DYSF: variants seen among roughly 807,000 people sequenced by gnomAD.
The protein encoded by DYSF is dystrophy-associated fer-1-like 1.
A neutral mutation model predicts 274.9 loss-of-function variants in DYSF; 212 were observed. The observed-to-expected ratio is 0.77, with a 90% CI of 0.69 to 0.86. The LOEUF (loss-of-function observed/expected upper bound fraction) is 0.86, where lower values mean the gene tolerates loss of function less well. Among genes scored for constraint, DYSF ranks in the 40% least tolerant of loss-of-function variants. The pLI, the probability that DYSF is intolerant of heterozygous loss-of-function variation, is 0.00. For missense variants in DYSF, 2,666 were observed against 2,783.2 expected (o/e 0.96, Z 0.95); for synonymous variants, 1,091 against 1,078.7 (o/e 1.01, Z -0.22).
intron 2 of DYSF, 81 bp from the exon 3 acceptor site, chr2:71,481,798 T>C: frequency 1.8e-6 from 2 of 1,136,716 alleles, no homozygotes; most frequent in Non-Finnish European, 2.6e-6. Context: ...CTCAGTGCCC[T>C]GGTGGCACGA....
chr2:71,528,191 C>CAG, intron 13 of DYSF, 107 bp from the exon 14 acceptor site: 1 of 1,011,986 alleles, frequency 9.9e-7, no homozygotes, highest in African/African-American at 1.6e-5. Flanking sequence ...GGGGCCAAAG[C>CAG]TTCTTGCTCA....
intron 41 of DYSF, among the ~76,000 whole-genome samples, chr2:71,621,262 A>G (rs986987360): frequency 1.6e-4 from 24 of 152,236 alleles, no homozygotes; most frequent in African/African-American, 5.5e-4. Context: ...GGCGTAAGAG[A>G]CAGAACTTGC....
intron 45 of DYSF, among the ~76,000 whole-genome samples, chr2:71,662,773 GTGTGTGTA>G (rs1438205591): frequency 4.0e-5 from 6 of 150,832 alleles, no homozygotes; most frequent in Non-Finnish European, 5.9e-5. Flanking sequence ...ATTTGTATGT[GTGTGTGTA>G]TGTGTGTTTG....
chr2:71,680,311 T>C (rs2152969068), intron 53 of DYSF, among the ~76,000 whole-genome samples: 1 of 152,322 alleles, frequency 6.6e-6, no homozygotes, highest in East Asian at 1.9e-4. Context: ...GAAATGCTCA[T>C]TGCTGCTGAG....
intron 17 of DYSF, chr2:71,549,386 C>T: frequency 1.2e-6 from 2 of 1,612,250 alleles, no homozygotes; most frequent in South Asian, 2.2e-5. Context: ...TCGAAAGCCT[C>T]AGACTGTACG....
At chr2:71,683,283 A>G (rs1573208480) in intron 55 of DYSF, among the ~76,000 whole-genome samples, 1 of 152,066 alleles carries the variant, frequency 6.6e-6, no homozygotes, top group Non-Finnish European at 1.5e-5. Flanking sequence ...TCACTTGGTA[A>G]GAAGCCAATT....
At chr2:71,486,173 G>A (rs1482168012) in intron 3 of DYSF, among the ~76,000 whole-genome samples, 1 of 151,968 alleles carries the variant, frequency 6.6e-6, no homozygotes, top group Non-Finnish European at 1.5e-5. Context: ...GGAATCCTGG[G>A]CGTGTCTTCT....
At chr2:71,466,964 T>C in intron 1 of DYSF, 31 bp downstream of exon 1, 1 of 1,546,426 alleles carries the variant, frequency 6.5e-7, no homozygotes, top group East Asian at 2.5e-5. Context: ...GCGCCCATGC[T>C]CGGGTGCTAC....
In DYSF at chr2:71,600,799, CG is replaced by C. The variant is rs779407815; in HGVS notation, c.3859del (p.Glu1287SerfsTer76). ...WFPLTRGSQP[S>X]GELLASFELI... ...CCACTGACGAGGGGCAGCCAGCCGT[CG>C]GGGGAGCTGCTGGCCTCTTTTGAGC... On this transcript the variant is annotated frameshift_variant, in exon 34 of 56. Transcript: ENST00000410020. LOFTEE classifies it high-confidence loss of function. 2 of 1,613,418 alleles carry C rather than the reference CG, an allele frequency of 1.2e-6. No individual in the cohort carries two copies. Among genetic ancestry groups the C allele is most frequent in the South Asian group, 1.1e-5 (1 of 91,076 alleles).
intron 12 of DYSF, among the ~76,000 whole-genome samples, chr2:71,525,863 G>A (rs2087822177): frequency 6.6e-6 from 1 of 152,158 alleles, no homozygotes; most frequent in African/African-American, 2.4e-5. Flanking sequence ...AGACAGAGTG[G>A]CCAGCTTAGA....
intron 30 of DYSF, among the ~76,000 whole-genome samples, chr2:71,577,287 A>G (rs531730601): frequency 6.7e-6 from 1 of 149,884 alleles, no homozygotes; most frequent in Admixed American, 6.6e-5. Context: ...ACTCATACAC[A>G]ACACACTCTG....
In DYSF at chr2:71,642,799, T is replaced by G. The variant is rs1195575527; in HGVS notation, c.4528-1166T>G. 2.6e-5 allele frequency among the ~76,000 whole-genome samples: 4 copies of G among 152,160 alleles called. No homozygotes were observed. The East Asian group carries it at 7.7e-4, about 29-fold the overall frequency. ...GAACCCTTGGCGGGGCACCAGCTTG[T>G]GTTTGCCTTTAGTAAGCTGGAGCTC... On this transcript the variant is annotated intron_variant, in intron 41 of 55. Transcript: ENST00000410020.
Position 71,613,298 on chromosome 2 carries a change from G to A in DYSF, c.4388-36G>A, listed in dbSNP as rs754855437. 1.9e-6 allele frequency: 3 copies of A among 1,589,742 alleles called. No homozygotes were observed. The South Asian group carries it at 3.4e-5, about 18-fold the overall frequency. The stretch of plus-strand genomic sequence containing the variant: ...GGTGAGGGGCGAGCCTTTTGAGAGA[G>A]CCCCTCTCAGGCCTGGATGGCTCCC... On this transcript the variant is annotated intron_variant, in intron 39 of 55. Coordinates refer to ENST00000410020, the MANE Select transcript of DYSF (RefSeq NM_001130987.2).
intron 42 of DYSF, among the ~76,000 whole-genome samples, chr2:71,647,871 A>G (rs2094591357): frequency 6.6e-6 from 1 of 152,268 alleles, no homozygotes; most frequent in African/African-American, 2.4e-5. Flanking sequence ...ACCATGAAAT[A>G]TAAATGTTAC....
chr2:71,517,086 G>C (rs746263554), intron 10 of DYSF, 47 bp downstream of exon 10: 1 of 1,572,450 alleles, frequency 6.4e-7, no homozygotes, highest in Non-Finnish European at 8.8e-7. Context: ...ACTTCTCCGT[G>C]TTGGTGGAGC....
At chr2:71,538,823 C>T (rs2089641582) in intron 16 of DYSF, among the ~76,000 whole-genome samples, 2 of 152,182 alleles carry the variant, frequency 1.3e-5, no homozygotes. Flanking sequence ...CAGTCCCTGG[C>T]CCTGCCTCCT....
intron 1 of DYSF, among the ~76,000 whole-genome samples, chr2:71,480,263 G>A (rs916186384): frequency 6.6e-6 from 1 of 152,184 alleles, no homozygotes; most frequent in African/African-American, 2.4e-5. Context: ...GCTGGATGTG[G>A]TGGCTCACAT....
intron 52 of DYSF, among the ~76,000 whole-genome samples, chr2:71,678,439 C>T (rs771780760): frequency 6.6e-6 from 1 of 151,906 alleles, no homozygotes; most frequent in Non-Finnish European, 1.5e-5. Context: ...CACAAAAGAA[C>T]AAATATTGTA....
At chr2:71,570,772 G>A in intron 29 of DYSF, 31 bp downstream of exon 29, 1 of 1,612,452 alleles carries the variant, frequency 6.2e-7, no homozygotes, top group African/African-American at 1.3e-5. Flanking sequence ...TGGGAGTGAG[G>A]CCTGTGGTCA....
Sources: gnomAD v4.1 joint callset for allele counts (sites outside exome capture counted in the v4.1 genomes callset) on GRCh38, gnomAD v4.1.1 for gene constraint, MANE v1.5 for transcripts, NCBI Gene and HGNC (gene_info 2026-07-23, HGNC 2026-07-21) for gene names.